Variants in CASQ2 observed in about 807,000 individuals in gnomAD.
CASQ2 encodes the protein calsequestrin 2.
A neutral mutation model predicts 46.5 loss-of-function variants in CASQ2; 49 were observed. That is an observed-to-expected ratio of 1.05 (90% confidence interval 0.84 to 1.34). The LOEUF (loss-of-function observed/expected upper bound fraction) is 1.34, where lower values mean the gene tolerates loss of function less well. CASQ2 is among the 40% of genes most tolerant of loss of function. CASQ2 has a pLI of 0.00. For missense variants in CASQ2, 486 were observed against 481.3 expected, an observed-to-expected ratio of 1.01 and a Z score of -0.09; for synonymous variants, 174 against 168.5, an observed-to-expected ratio of 1.03 and a Z score of -0.25.
chr1:115,767,395 T>C lies in CASQ2; in HGVS notation c.234+913A>G, dbSNP rs373742681. Reference sequence around the variant, plus strand: ...AATTCAAATCCACATGGGTTTTATATGATAATCCTATTAAACTATTTCATC... The same window carrying C: ...AATTCAAATCCACATGGGTTTTATACGATAATCCTATTAAACTATTTCATC... On this transcript the variant is annotated intron_variant, in intron 1 of 10. Transcript: ENST00000261448. 3.4e-3 allele frequency among the ~76,000 whole-genome samples: 519 copies of C among 152,292 alleles called. 4 individuals are homozygous for C. The highest frequency in any genetic ancestry group is 0.027 in the Middle Eastern group (8 of 294).
intron 1 of CASQ2, among the ~76,000 whole-genome samples, chr1:115,747,570 A>G (rs1648430146): frequency 6.6e-6 from 1 of 152,048 alleles, no homozygotes; most frequent in African/African-American, 2.4e-5. Flanking sequence ...ACTTGGGGAG[A>G]GTGACATATT....
At chr1:115,761,481 GAAGAA>G (rs1557806798) in intron 1 of CASQ2, among the ~76,000 whole-genome samples, 4 of 26,654 alleles carry the variant, frequency 1.5e-4, no homozygotes, top group South Asian at 1.8e-3. Context: ...AGAAGAAGAA[GAAGAA>G]GGAGAAGAAG....
At chr1:115,725,465 A>G (rs748928919) in intron 7 of CASQ2, 43 bp downstream of exon 7, 4 of 1,605,882 alleles carry the variant, frequency 2.5e-6, no homozygotes, top group Non-Finnish European at 3.4e-6. Flanking sequence ...CTTTGGGACT[A>G]TACTCATCTC....
At chr1:115,746,445 T>C (rs968666111) in intron 1 of CASQ2, among the ~76,000 whole-genome samples, 2 of 152,230 alleles carry the variant, frequency 1.3e-5, no homozygotes, top group African/African-American at 4.8e-5. Context: ...TACCTTCCCA[T>C]GAGCAAGGTA....
At chr1:115,729,693 A>T (rs1647722977) in intron 5 of CASQ2, among the ~76,000 whole-genome samples, 1 of 152,236 alleles carries the variant, frequency 6.6e-6, no homozygotes, top group African/African-American at 2.4e-5. Context: ...TTTTTCCTCC[A>T]GTTAGCAAGT....
At chr1:115,739,124 C>T (rs202032321) in intron 3 of CASQ2, among the ~76,000 whole-genome samples, 23 of 99,550 alleles carry the variant, frequency 2.3e-4, no homozygotes, top group East Asian at 1.0e-3. Flanking sequence ...TCTTTTCTTT[C>T]TTTTTGAGAT....
At chr1:115,706,016 A>T (rs530429903) in intron 8 of CASQ2, among the ~76,000 whole-genome samples, 1 of 152,332 alleles carries the variant, frequency 6.6e-6, no homozygotes, top group East Asian at 1.9e-4. Flanking sequence ...CAAAAATTTT[A>T]GGAGAACGTT....
chr1:115,745,516 C>T (rs1648358986), intron 1 of CASQ2, among the ~76,000 whole-genome samples: 1 of 152,034 alleles, frequency 6.6e-6, no homozygotes. Flanking sequence ...GCAGCAGTGT[C>T]CTAGATGGAC....
chr1:115,701,244 T>C lies in CASQ2; in HGVS notation c.1197A>G (p.Glu399=), dbSNP rs1251308717. ...DNDDSDDDDD[E] ...ATCAGAATTGTTTGGAGTTGGGCTA[T>C]TCATCATCATCGTCATCACTGTCAT... The change falls in exon 11 of 11, where the codon GAA becomes GAG. Residue 399 remains glutamate (E), a synonymous_variant. Coordinates refer to ENST00000261448, the MANE Select transcript of CASQ2 (RefSeq NM_001232.4). The C allele has an allele frequency of 1.2e-6, 2 of 1,612,648 alleles. No homozygotes were observed. Among genetic ancestry groups the C allele is most frequent in the East Asian group, 4.5e-5 (2 of 44,888 alleles).
intron 8 of CASQ2, among the ~76,000 whole-genome samples, chr1:115,709,995 A>C (rs750983613): frequency 9.9e-5 from 15 of 151,950 alleles, no homozygotes; most frequent in Non-Finnish European, 2.1e-4. Context: ...GGCACACACC[A>C]CCATGCAGTT....
intron 1 of CASQ2, among the ~76,000 whole-genome samples, chr1:115,762,129 C>G (rs2101123317): frequency 6.6e-6 from 1 of 152,324 alleles, no homozygotes; most frequent in Middle Eastern, 3.4e-3. Flanking sequence ...AACTACAGGA[C>G]TGGCAGGTAG....
intron 6 of CASQ2, among the ~76,000 whole-genome samples, chr1:115,726,573 T>C (rs1647599236): frequency 6.6e-6 from 1 of 152,246 alleles, no homozygotes; most frequent in African/African-American, 2.4e-5. Flanking sequence ...CTAAGTTACT[T>C]AACTATTGAG....
intron 2 of CASQ2, among the ~76,000 whole-genome samples, chr1:115,743,031 G>T (rs936219723): frequency 1.3e-5 from 2 of 151,804 alleles, no homozygotes; most frequent in South Asian, 4.2e-4. Context: ...CTTGTGATCC[G>T]CCTGCCTTGG....
intron 8 of CASQ2, among the ~76,000 whole-genome samples, chr1:115,710,461 C>T (rs1455188346): frequency 6.6e-6 from 1 of 152,184 alleles, no homozygotes; most frequent in African/African-American, 2.4e-5. Flanking sequence ...CTCTGCACTC[C>T]TACCAATGTT....
chr1:115,739,124 C>CTTTT (rs1299140156), intron 3 of CASQ2, among the ~76,000 whole-genome samples: 2 of 99,586 alleles, frequency 2.0e-5, no homozygotes, highest in Non-Finnish European at 4.4e-5. Flanking sequence ...TCTTTTCTTT[C>CTTTT]TTTTTGAGAT....
At chr1:115,718,434 T>C (rs991936228) in intron 7 of CASQ2, among the ~76,000 whole-genome samples, 4 of 152,208 alleles carry the variant, frequency 2.6e-5, no homozygotes, top group African/African-American at 7.2e-5. Flanking sequence ...ACAGGAATCA[T>C]TGAGGTCAAT....
chr1:115,750,197 G>A (rs1385104542), intron 1 of CASQ2, among the ~76,000 whole-genome samples: 1 of 152,040 alleles, frequency 6.6e-6, no homozygotes, highest in African/African-American at 2.4e-5. Context: ...AGTTACATAC[G>A]TGAGAAAAAA....
At chr1:115,741,073 A>G (rs1402729932) in intron 2 of CASQ2, among the ~76,000 whole-genome samples, 1 of 152,086 alleles carries the variant, frequency 6.6e-6, no homozygotes, top group Non-Finnish European at 1.5e-5. Context: ...TCTATTCTCC[A>G]CTCCACCACT....
intron 3 of CASQ2, among the ~76,000 whole-genome samples, chr1:115,740,435 T>A (rs1570834631): frequency 6.6e-6 from 1 of 152,158 alleles, no homozygotes; most frequent in Admixed American, 6.5e-5. Flanking sequence ...TCCTCTTCAG[T>A]AGCAGTGGAG....
Sources: allele counts gnomAD v4.1 joint callset (sites outside exome capture counted in the v4.1 genomes callset), GRCh38; gene constraint gnomAD v4.1.1; transcripts MANE v1.5; gene names NCBI Gene and HGNC (gene_info 2026-07-23, HGNC 2026-07-21).